Variants in SLC24A2 observed in about 807,000 individuals in gnomAD.
SLC24A2 encodes the protein solute carrier family 24 member 2.
Under a neutral mutation model 62.0 loss-of-function variants are expected in SLC24A2, and 36 were observed. That is an observed-to-expected ratio of 0.58 (90% CI 0.44 to 0.77). SLC24A2 has a LOEUF of 0.77. Ranked by LOEUF, SLC24A2 falls within the 30% of genes least tolerant of loss-of-function variation. The probability of loss-of-function intolerance (pLI) is 0.00; values close to 1 mark genes in which losing one functional copy is unlikely to be tolerated. For synonymous variants in SLC24A2, 358 were observed against 294.0 expected, an observed-to-expected ratio of 1.22 and a Z score of -2.23; for missense variants, 846 against 817.9, an observed-to-expected ratio of 1.03 and a Z score of -0.42.
chr9:20,032,884 T>C, the SLC24A2 span, among the ~76,000 whole-genome samples: 188 of 152,232 alleles, frequency 1.2e-3, 1 homozygote, highest in African/African-American at 4.5e-3. Flanking sequence ...GACTTAACTA[T>C]TCCTCATTCC....
the SLC24A2 span, among the ~76,000 whole-genome samples, chr9:20,041,176 G>A: frequency 2.0e-5 from 3 of 149,558 alleles, no homozygotes; most frequent in South Asian, 2.2e-4. Context: ...GCACGTGTGC[G>A]CGCAGAAGCA....
chr9:20,012,883 G>A, the SLC24A2 span, among the ~76,000 whole-genome samples: 4 of 151,352 alleles, frequency 2.6e-5, no homozygotes, highest in Non-Finnish European at 5.9e-5. Flanking sequence ...TATAATCACT[G>A]ATGACAGAAC....
At chr9:19,906,395 C>A in the SLC24A2 span, among the ~76,000 whole-genome samples, 4 of 150,804 alleles carry the variant, frequency 2.7e-5, no homozygotes, top group African/African-American at 9.8e-5. Context: ...AAAATTGACA[C>A]CCTAACATCA....
At chr9:20,170,023 A>G in the SLC24A2 span, among the ~76,000 whole-genome samples, 1 of 152,066 alleles carries the variant, frequency 6.6e-6, no homozygotes, top group African/African-American at 2.4e-5. Flanking sequence ...GCACACTTAT[A>G]GAAATGCAAA....
At chr9:20,088,706 G>A in the SLC24A2 span, among the ~76,000 whole-genome samples, 3 of 152,184 alleles carry the variant, frequency 2.0e-5, no homozygotes, top group South Asian at 6.2e-4. Context: ...ACAAAAAAAG[G>A]GGGCAGACTG....
chr9:19,948,995 TAATTA>T, the SLC24A2 span, among the ~76,000 whole-genome samples: 1 of 152,110 alleles, frequency 6.6e-6, no homozygotes, highest in African/African-American at 2.4e-5. Context: ...TTTATTTATT[TAATTA>T]ATTTTATTTT....
chr9:19,625,286 C>T (rs1818005431), intron 2 of SLC24A2, among the ~76,000 whole-genome samples: 1 of 152,070 alleles, frequency 6.6e-6, no homozygotes, highest in Admixed American at 6.6e-5. Context: ...ATTGGCTTAA[C>T]AAATTCCTAT....
At chr9:20,211,322 G>C in the SLC24A2 span, among the ~76,000 whole-genome samples, 1 of 152,248 alleles carries the variant, frequency 6.6e-6, no homozygotes, top group South Asian at 2.1e-4. Context: ...AGACCAGCCT[G>C]ATCAACATGA....
chr9:20,284,022 T>C, the SLC24A2 span, among the ~76,000 whole-genome samples: 1 of 152,182 alleles, frequency 6.6e-6, no homozygotes, highest in Non-Finnish European at 1.5e-5. Context: ...TGAACATTTT[T>C]AATGTTAACA....
the SLC24A2 span, among the ~76,000 whole-genome samples, chr9:20,185,797 A>G: frequency 9.2e-5 from 14 of 152,190 alleles, no homozygotes; most frequent in Non-Finnish European, 1.9e-4. Context: ...AAGTTTGTAG[A>G]GACTGGAAGC....
At chr9:20,145,071 A>G in the SLC24A2 span, among the ~76,000 whole-genome samples, 1 of 152,180 alleles carries the variant, frequency 6.6e-6, no homozygotes, top group Non-Finnish European at 1.5e-5. Flanking sequence ...AAAGTGCTGT[A>G]GTTAGACCTG....
At chr9:19,533,287 G>C (rs1833793260) in intron 8 of SLC24A2, among the ~76,000 whole-genome samples, 1 of 152,158 alleles carries the variant, frequency 6.6e-6, no homozygotes, top group Non-Finnish European at 1.5e-5. Flanking sequence ...ATATGTATTA[G>C]TTAATTTTTC....
the SLC24A2 span, among the ~76,000 whole-genome samples, chr9:19,990,562 G>A: frequency 7.1e-6 from 1 of 140,620 alleles, no homozygotes. Context: ...AGTGAGAAGA[G>A]ATCACACCAC....
At chr9:20,119,563 A>G in the SLC24A2 span, among the ~76,000 whole-genome samples, 189 of 152,304 alleles carry the variant, frequency 1.2e-3, 2 homozygotes, top group Middle Eastern at 3.4e-3. Flanking sequence ...TAACACTTCC[A>G]TGATAAACAC....
chr9:20,173,685 G>A, the SLC24A2 span, among the ~76,000 whole-genome samples: 228 of 152,146 alleles, frequency 1.5e-3, 1 homozygote, highest in Non-Finnish European at 1.6e-3. Context: ...AAACACTGCT[G>A]AAATAAATCA....
intron 2 of SLC24A2, among the ~76,000 whole-genome samples, chr9:19,710,440 C>A (rs555416600): frequency 6.6e-6 from 1 of 152,122 alleles, no homozygotes; most frequent in Non-Finnish European, 1.5e-5. Flanking sequence ...GTCTTCCTCA[C>A]TGAAGTGACA....
At chr9:20,195,879 C>G in the SLC24A2 span, among the ~76,000 whole-genome samples, 1 of 151,920 alleles carries the variant, frequency 6.6e-6, no homozygotes, top group Non-Finnish European at 1.5e-5. Flanking sequence ...ATGATAGCTA[C>G]TGTCCATGGT....
the SLC24A2 span, among the ~76,000 whole-genome samples, chr9:20,232,138 A>G: frequency 6.6e-6 from 1 of 152,182 alleles, no homozygotes; most frequent in Non-Finnish European, 1.5e-5. Context: ...TTGGTTTTCC[A>G]GTATTTTATT....
intron 2 of SLC24A2, among the ~76,000 whole-genome samples, chr9:19,664,719 GAC>G (rs1331420256): frequency 6.6e-6 from 1 of 152,158 alleles, no homozygotes; most frequent in Non-Finnish European, 1.5e-5. Flanking sequence ...AGAGAGATTT[GAC>G]ACAGAGGACA....
Sources: gnomAD v4.1 joint callset for allele counts (sites outside exome capture counted in the v4.1 genomes callset) on GRCh38, gnomAD v4.1.1 for gene constraint, MANE v1.5 for transcripts, NCBI Gene and HGNC (gene_info 2026-07-23, HGNC 2026-07-21) for gene names.